The following AUNIP variants were observed in gnomAD, a reference collection of about 807,000 sequenced individuals.
AUNIP encodes the protein aurora kinase A- and ninein-interacting protein.
AUNIP carries 16 observed loss-of-function variants against 12.2 expected under a neutral mutation model. The observed-to-expected ratio is 1.31, with a 90% CI of 0.88 to 1.99. The LOEUF is 1.99. Ranked by LOEUF, AUNIP falls within the 30% of genes most tolerant of loss-of-function variation. The probability of loss-of-function intolerance (pLI) is 0.00; values close to 1 mark genes in which losing one functional copy is unlikely to be tolerated. For synonymous variants in AUNIP, 142 were observed against 154.8 expected (o/e 0.92, Z 0.61); for missense variants, 411 against 419.1 (o/e 0.98, Z 0.17).
At chr1:25,840,344 AAT>A (rs1183698860) in intron 1 of AUNIP, among the ~76,000 whole-genome samples, 7 of 151,746 alleles carry the variant, frequency 4.6e-5, no homozygotes, top group Non-Finnish European at 1.0e-4. Context: ...GAGAGAAAAA[AAT>A]AACTGAAAAG....
chr1:25,849,319 A>G (rs915164133), intron 1 of AUNIP, among the ~76,000 whole-genome samples: 2 of 152,210 alleles, frequency 1.3e-5, no homozygotes, highest in Non-Finnish European at 2.9e-5. Flanking sequence ...AAGTTTTAGT[A>G]TACTTATGAA....
chr1:25,840,665 A>G (rs1440830784), intron 1 of AUNIP, among the ~76,000 whole-genome samples: 1 of 152,238 alleles, frequency 6.6e-6, no homozygotes, highest in Non-Finnish European at 1.5e-5. Flanking sequence ...AGAAGTAACA[A>G]ACACCATACA....
chr1:25,848,546 T>G (rs2048403399), intron 1 of AUNIP, among the ~76,000 whole-genome samples: 1 of 148,734 alleles, frequency 6.7e-6, no homozygotes, highest in African/African-American at 2.5e-5. Context: ...TCCTGAGAGA[T>G]AATCTCTAAA....
chr1:25,847,853 G>A lies in AUNIP; in HGVS notation c.79-10299C>T, dbSNP rs2048394992. On this transcript the variant is annotated intron_variant, in intron 1 of 2. Transcript: ENST00000374298. The surrounding 1 kb of genome is among the most constrained non-coding windows in gnomAD (Gnocchi z 4.2). ...CCTGCTACTTGGGAGGCTGAGGTGA[G>A]AGAATCGATTGAGCCCGGGAGGCAG... 6.6e-6 allele frequency among the ~76,000 whole-genome samples: 1 copy of A among 152,134 alleles called. No individual in the cohort carries two copies. Among genetic ancestry groups the A allele is most frequent in the Non-Finnish European group, 1.5e-5 (1 of 68,036 alleles).
chr1:25,843,723 T>C (rs2048362571), intron 1 of AUNIP, among the ~76,000 whole-genome samples: 1 of 151,790 alleles, frequency 6.6e-6, no homozygotes, highest in Non-Finnish European at 1.5e-5. Flanking sequence ...ATTTAAGAGT[T>C]CAGTGAAGGA....
chr1:25,834,083 G>T lies in AUNIP; in HGVS notation c.*910C>A, dbSNP rs912091379. 1 of 985,206 alleles carries T rather than the reference G, an allele frequency of 1.0e-6. No individual in the cohort carries two copies. The highest frequency in any genetic ancestry group is 1.7e-5 in the African/African-American group (1 of 57,226). The allele number at this position is 985,206 out of a possible 1,614,324, so 61.0% of individuals were successfully genotyped here. A position where few individuals can be genotyped will look rare whatever the true frequency, so the allele number is the denominator to read the frequency against. On this transcript the variant is annotated 3_prime_UTR_variant, in exon 3 of 3. Coordinates refer to ENST00000374298, the MANE Select transcript of AUNIP (RefSeq NM_024037.3). ...TATCTTGTGGGAAAAGGGTAACAGA[G>T]TCACATCCAGATTGTTGTACAGCTC...
intron 1 of AUNIP, 102 bp downstream of exon 1, chr1:25,859,178 G>T (rs1051546691): frequency 4.9e-6 from 6 of 1,232,394 alleles, no homozygotes; most frequent in South Asian, 1.3e-5. Flanking sequence ...CTCTGTCCCC[G>T]ACTTCGCTTT....
intron 1 of AUNIP, among the ~76,000 whole-genome samples, chr1:25,852,516 T>G (rs541461822): frequency 1.4e-3 from 214 of 149,302 alleles, no homozygotes; most frequent in African/African-American, 4.7e-3. Flanking sequence ...TGGAGTTCAC[T>G]GCAACCTCCG....
chr1:25,847,716 G>T lies in AUNIP; in HGVS notation c.79-10162C>A, dbSNP rs965032036. 1.3e-5 allele frequency among the ~76,000 whole-genome samples: 2 copies of T among 151,996 alleles called. No individual in the cohort carries two copies. Among genetic ancestry groups the T allele is most frequent in the African/African-American group, 2.4e-5 (1 of 41,376 alleles). The stretch of plus-strand genomic sequence containing the variant: ...CACACCTGTAATCCCAGCACTTTGG[G>T]AGGCACATCACTTGAGCTCAGGAGT... On this transcript the variant is annotated intron_variant, in intron 1 of 2. Transcript: ENST00000374298. This position sits in a 1 kb window ranked among gnomAD's most constrained non-coding sequence, Gnocchi z 4.2.
At chr1:25,845,712 CT>C (rs746907118) in intron 1 of AUNIP, among the ~76,000 whole-genome samples, 58 of 152,252 alleles carry the variant, frequency 3.8e-4, no homozygotes, top group Admixed American at 2.0e-3. Flanking sequence ...TCAATAAATA[CT>C]TTAGGAAGGT....
chr1:25,837,110 A>G (rs2048308849), intron 2 of AUNIP, among the ~76,000 whole-genome samples: 1 of 152,186 alleles, frequency 6.6e-6, no homozygotes, highest in Non-Finnish European at 1.5e-5. Context: ...CACCTAACTA[A>G]TGGCAGGGCA....
intron 1 of AUNIP, among the ~76,000 whole-genome samples, chr1:25,851,451 T>C (rs1557455320): frequency 1.3e-5 from 2 of 152,206 alleles, no homozygotes; most frequent in Non-Finnish European, 2.9e-5. Flanking sequence ...ATTGGTATAA[T>C]TCTTTAAATG....
downstream of AUNIP, chr1:25,832,506 G>A (rs2048259563): frequency 7.4e-6 from 2 of 270,296 alleles, no homozygotes; most frequent in South Asian, 5.1e-5. Context: ...ATGCTGCTCC[G>A]TCATAAACCT....
At chr1:25,853,803 TG>T (rs2124514186) in intron 1 of AUNIP, among the ~76,000 whole-genome samples, 1 of 152,218 alleles carries the variant, frequency 6.6e-6, no homozygotes, top group Non-Finnish European at 1.5e-5. Context: ...ACAGGCTTCA[TG>T]TAGCAACATG....
chr1:25,854,723 T>C (rs561027678), intron 1 of AUNIP, among the ~76,000 whole-genome samples: 3 of 152,308 alleles, frequency 2.0e-5, no homozygotes, highest in African/African-American at 7.2e-5. Context: ...GGTGGGTCTG[T>C]CTCACAGTCT....
At chr1:25,841,411 G>T (rs1161701380) in intron 1 of AUNIP, among the ~76,000 whole-genome samples, 2 of 152,310 alleles carry the variant, frequency 1.3e-5, no homozygotes, top group Admixed American at 1.3e-4. Flanking sequence ...GCAAGCCTGT[G>T]TTGAGCAAGT....
chr1:25,846,544 T>TGA (rs1444798815), intron 1 of AUNIP, among the ~76,000 whole-genome samples: 3 of 150,294 alleles, frequency 2.0e-5, no homozygotes, highest in Non-Finnish European at 4.4e-5. Context: ...GCCAATGTGG[T>TGA]GAAACCCTGT....
chr1:25,857,487 G>A (rs2048471421), intron 1 of AUNIP, among the ~76,000 whole-genome samples: 1 of 150,854 alleles, frequency 6.6e-6, no homozygotes, highest in Non-Finnish European at 1.5e-5. Context: ...GACCTCAGGT[G>A]ATCCGCCCGC....
rs1216498321 is a variant in AUNIP, at chr1:25,834,416, C to T, written c.*577G>A. ...GGATCAGGAGGTCAGGAGATGGAGA[C>T]CATCCTGGCTAATATGGTGAAACCT... On this transcript the variant is annotated 3_prime_UTR_variant, in exon 3 of 3. Transcript: ENST00000374298. 2.3e-6 allele frequency: 2 copies of T among 882,934 alleles called. No homozygotes were observed. The highest frequency in any genetic ancestry group is 2.7e-6 in the Non-Finnish European group (2 of 736,880). The allele number at this position is 882,934 out of a possible 1,614,324, so 54.7% of individuals were successfully genotyped here.
Sources: gnomAD v4.1 joint callset for allele counts (sites outside exome capture counted in the v4.1 genomes callset) on GRCh38, gnomAD v4.1.1 for gene constraint, Gnocchi (gnomAD v3.1) non-coding constraint, MANE v1.5 for transcripts, NCBI Gene and HGNC (gene_info 2026-07-23, HGNC 2026-07-21) for gene names.